The following FSTL1 variants were observed in gnomAD, a reference collection of about 807,000 sequenced individuals.
The protein encoded by FSTL1 is follistatin like 1.
In FSTL1, 24 loss-of-function variants were observed where a neutral mutation model predicts 45.9. The ratio of observed to expected loss-of-function variants is 0.52; its 90% CI spans 0.38 to 0.74. FSTL1 has a LOEUF of 0.74. Ranked by LOEUF, FSTL1 falls within the 30% of genes least tolerant of loss-of-function variation. The pLI is 0.00. For missense variants in FSTL1, 340 were observed against 381.8 expected (o/e 0.89, Z 0.91); for synonymous variants, 120 against 137.6 (o/e 0.87, Z 0.89).
intron 2 of FSTL1, among the ~76,000 whole-genome samples, chr3:120,437,482 G>A (rs1937583348): frequency 6.6e-6 from 1 of 152,160 alleles, no homozygotes; most frequent in Non-Finnish European, 1.5e-5. Flanking sequence ...AAATTCCACA[G>A]GAATTTTTGT....
At chr3:120,418,490 A>G (rs1429886566) in intron 2 of FSTL1, among the ~76,000 whole-genome samples, 1 of 152,248 alleles carries the variant, frequency 6.6e-6, no homozygotes, top group Non-Finnish European at 1.5e-5. Flanking sequence ...TTCACAGGTG[A>G]GAGAGCAGAG....
At chr3:120,404,255 T>C (rs781095482) in intron 7 of FSTL1, among the ~76,000 whole-genome samples, 2 of 152,254 alleles carry the variant, frequency 1.3e-5, no homozygotes, top group East Asian at 3.8e-4. Context: ...TAGACTATTA[T>C]TAAAGAAGAA....
rs375308172 is a variant in FSTL1, at chr3:120,395,733, G to C, written c.*1219C>G. The C allele has an allele frequency of 3.7e-5, 20 of 534,230 alleles. No homozygotes were observed. Among genetic ancestry groups the C allele is most frequent in the Non-Finnish European group, 7.3e-5 (19 of 260,078 alleles). The allele number at this position is 534,230 out of a possible 1,614,324, so 33.1% of individuals were successfully genotyped here. ...TATCTCCCCTCTGGACCAATGATCA[G>C]AACCACAGAATTTATAACTTATCAA... On this transcript the variant is annotated 3_prime_UTR_variant, in exon 11 of 11. Coordinates refer to ENST00000295633, the MANE Select transcript of FSTL1 (RefSeq NM_007085.5).
At chr3:120,410,867 T>G (rs779145256) in intron 5 of FSTL1, 85 bp downstream of exon 5, 1 of 1,037,744 alleles carries the variant, frequency 9.6e-7, no homozygotes, top group Admixed American at 1.7e-5. Flanking sequence ...CTTATGAGCT[T>G]GGCAGGGATT....
At position 120,394,224 on chromosome 3, in the gene FSTL1, A is replaced by T. The variant is rs1042797051; in HGVS notation, c.*2728T>A. On this transcript the variant is annotated 3_prime_UTR_variant, in exon 11 of 11. Coordinates refer to ENST00000295633, the MANE Select transcript of FSTL1 (RefSeq NM_007085.5). ...TCCACTCTTAGGAAGTAAATGGGTA[A>T]TGTTCTCACGACTTTATTTGGCCTT... The T allele has an allele frequency of 6.6e-6, 1 of 152,218 alleles. No individual in the cohort carries two copies. The highest frequency in any genetic ancestry group is 2.1e-4 in the South Asian group (1 of 4,832). 9.4% of individuals were successfully genotyped at this position (152,218 alleles called of 1,614,324 possible). A position where few individuals can be genotyped will look rare whatever the true frequency, so the allele number is the denominator to read the frequency against.
chr3:120,399,240 A>G (rs1293635493), intron 10 of FSTL1, among the ~76,000 whole-genome samples: 3 of 152,218 alleles, frequency 2.0e-5, no homozygotes, highest in African/African-American at 7.2e-5. Context: ...CAGTTCCACA[A>G]TATGTCAGAG....
chr3:120,440,389 A>G (rs181837086), intron 2 of FSTL1, among the ~76,000 whole-genome samples: 1 of 152,354 alleles, frequency 6.6e-6, no homozygotes, highest in East Asian at 1.9e-4. Context: ...GTTACCTAGC[A>G]GAAGTGTCTT....
chr3:120,444,640 T>C (rs776821034), intron 2 of FSTL1, among the ~76,000 whole-genome samples: 14 of 149,858 alleles, frequency 9.3e-5, no homozygotes, highest in Non-Finnish European at 1.8e-4. Flanking sequence ...TGTGGTATTT[T>C]ATTTAAATAA....
chr3:120,416,583 A>C (rs1245022326), intron 2 of FSTL1, among the ~76,000 whole-genome samples: 1 of 152,206 alleles, frequency 6.6e-6, no homozygotes, highest in Non-Finnish European at 1.5e-5. Context: ...AAATGGAAAC[A>C]TTGTACAGAA....
intron 2 of FSTL1, among the ~76,000 whole-genome samples, chr3:120,430,955 G>T (rs1336541114): frequency 6.6e-6 from 1 of 152,176 alleles, no homozygotes; most frequent in African/African-American, 2.4e-5. Flanking sequence ...ATCTCATACA[G>T]AATTTAAAAT....
At chr3:120,397,304 C>T (rs1936722794) in intron 10 of FSTL1, among the ~76,000 whole-genome samples, 1 of 152,180 alleles carries the variant, frequency 6.6e-6, no homozygotes, top group Non-Finnish European at 1.5e-5. Flanking sequence ...GGAAATGCTA[C>T]AAGATGTTCT....
At chr3:120,427,111 C>T (rs954223587) in intron 2 of FSTL1, among the ~76,000 whole-genome samples, 20 of 152,138 alleles carry the variant, frequency 1.3e-4, no homozygotes, top group Admixed American at 1.2e-3. Flanking sequence ...CCCACAAGAC[C>T]ACCTAAAAAA....
intron 10 of FSTL1, among the ~76,000 whole-genome samples, chr3:120,398,996 AGAAT>A: frequency 6.6e-6 from 1 of 152,354 alleles, no homozygotes; most frequent in Middle Eastern, 3.4e-3. Flanking sequence ...ATGCACATTA[AGAAT>A]GATCAATAAA....
chr3:120,398,066 GA>G (rs1286094170), intron 10 of FSTL1, among the ~76,000 whole-genome samples: 1 of 152,162 alleles, frequency 6.6e-6, no homozygotes, highest in African/African-American at 2.4e-5. Flanking sequence ...TTAGAAAGTA[GA>G]TTAGTGGCTG....
chr3:120,408,370 T>C (rs538791976), intron 6 of FSTL1, among the ~76,000 whole-genome samples: 2 of 152,344 alleles, frequency 1.3e-5, no homozygotes, highest in South Asian at 2.1e-4. Context: ...GTATCTGCCA[T>C]AGAGGAGAGA....
At chr3:120,433,242 T>C (rs988715950) in intron 2 of FSTL1, among the ~76,000 whole-genome samples, 8 of 152,234 alleles carry the variant, frequency 5.3e-5, no homozygotes, top group Admixed American at 1.3e-4. Context: ...TCTGCTTAAC[T>C]TCCAACTTCA....
At position 120,445,349 on chromosome 3, in the gene FSTL1, G is replaced by A. The variant is rs1937714568; in HGVS notation, c.63+5335C>T. ...TTTCATTAATTATTGAAGGTTTGCT[G>A]TTGTTAAAACATGGATTAAAAACTT... On this transcript the variant is annotated intron_variant, in intron 2 of 10. Transcript: ENST00000295633. Among the ~76,000 whole-genome samples, 2 of 149,608 alleles carry A rather than the reference G, an allele frequency of 1.3e-5. 1 individual carries two copies. Among genetic ancestry groups the A allele is most frequent in the African/African-American group, 5.1e-5 (2 of 39,012 alleles).
intron 2 of FSTL1, among the ~76,000 whole-genome samples, chr3:120,429,251 G>C (rs1003285557): frequency 6.6e-6 from 1 of 152,230 alleles, no homozygotes; most frequent in Non-Finnish European, 1.5e-5. Flanking sequence ...TCTCAGAGGA[G>C]AGTTTGTGCT....
intron 5 of FSTL1, chr3:120,410,715 A>C (rs1169692550): frequency 1.6e-5 from 10 of 636,642 alleles, no homozygotes; most frequent in Non-Finnish European, 2.7e-5. Context: ...ACTACTCAGG[A>C]AAAATGGGAA....
Sources: gnomAD v4.1 joint callset for allele counts (sites outside exome capture counted in the v4.1 genomes callset) on GRCh38, gnomAD v4.1.1 for gene constraint, MANE v1.5 for transcripts, NCBI Gene and HGNC (gene_info 2026-07-23, HGNC 2026-07-21) for gene names.